The following RAB2A variants were observed in gnomAD, a reference collection of about 807,000 sequenced individuals.
The protein encoded by RAB2A is ras-related protein Rab-2A.
In RAB2A, 7 loss-of-function variants were observed where a neutral mutation model predicts 32.5. The observed-to-expected ratio is 0.22, with a 90% CI of 0.12 to 0.40. The LOEUF is 0.40. RAB2A is among the 10% of genes least tolerant of loss of function. RAB2A has a pLI of 1.00. For synonymous variants in RAB2A, 79 were observed against 85.2 expected (o/e 0.93, Z 0.40); for missense variants, 108 against 260.7 (o/e 0.41, Z 4.03).
chr8:60,587,298 T>C (rs937123700), intron 5 of RAB2A, among the ~76,000 whole-genome samples: 1 of 152,170 alleles, frequency 6.6e-6, no homozygotes, highest in African/African-American at 2.4e-5. Flanking sequence ...GCTGAAACAG[T>C]TAATAGTCAT....
intron 3 of RAB2A, among the ~76,000 whole-genome samples, chr8:60,577,659 T>C (rs920603086): frequency 1.3e-5 from 2 of 152,042 alleles, no homozygotes; most frequent in African/African-American, 4.8e-5. Flanking sequence ...AGTCTCGCTC[T>C]GTCGCCCAGG....
At chr8:60,603,536 A>G (rs1016079936) in intron 6 of RAB2A, among the ~76,000 whole-genome samples, 1 of 152,240 alleles carries the variant, frequency 6.6e-6, no homozygotes, top group African/African-American at 2.4e-5. Context: ...AACGTGGTAA[A>G]TGAATGCAAA....
At chr8:60,586,862 A>G (rs1803858684) in intron 5 of RAB2A, among the ~76,000 whole-genome samples, 1 of 151,802 alleles carries the variant, frequency 6.6e-6, no homozygotes, top group African/African-American at 2.4e-5. Context: ...CCAGGAGCTC[A>G]AGGTTGCAGT....
intron 3 of RAB2A, among the ~76,000 whole-genome samples, chr8:60,574,957 A>C (rs1037591013): frequency 6.6e-6 from 1 of 152,140 alleles, no homozygotes; most frequent in Non-Finnish European, 1.5e-5. Flanking sequence ...CAGCTTCTAC[A>C]TGGAGAGCTC....
intron 6 of RAB2A, among the ~76,000 whole-genome samples, chr8:60,594,730 G>T (rs1803996417): frequency 6.6e-6 from 1 of 152,154 alleles, no homozygotes; most frequent in South Asian, 2.1e-4. Context: ...AGAACATGCG[G>T]TGTTTGGTTT....
rs1165171032 is a variant in RAB2A, at chr8:60,620,833, C to T, written c.*64C>T. On this transcript the variant is annotated 3_prime_UTR_variant, in exon 8 of 8. Coordinates refer to ENST00000262646, the MANE Select transcript of RAB2A (RefSeq NM_002865.3). ...CACTTATTCTTTCACCCCCTCTCCT[C>T]CTGCTCAGCTGAGACATGAAACTAT... 3 of 1,364,440 alleles carry T rather than the reference C, an allele frequency of 2.2e-6. No homozygotes were observed. The highest frequency in any genetic ancestry group is 2.9e-5 in the African/African-American group (2 of 67,894). The allele number at this position is 1,364,440 out of a possible 1,614,324, so 84.5% of individuals were successfully genotyped here. A position where few individuals can be genotyped will look rare whatever the true frequency, so the allele number is the denominator to read the frequency against.
intron 1 of RAB2A, among the ~76,000 whole-genome samples, chr8:60,544,177 C>T (rs919925370): frequency 1.5e-4 from 22 of 150,512 alleles, no homozygotes; most frequent in African/African-American, 4.6e-4. Context: ...CTGCAGCCTC[C>T]GCCTCCTGGA....
intron 1 of RAB2A, among the ~76,000 whole-genome samples, chr8:60,555,471 CTATT>C (rs1310014412): frequency 6.6e-6 from 1 of 151,810 alleles, no homozygotes; most frequent in Non-Finnish European, 1.5e-5. Flanking sequence ...TATTTGCAAA[CTATT>C]TATCTTACAA....
chr8:60,567,163 TGGAGTGCAGTGG>T (rs1193104230), intron 2 of RAB2A, among the ~76,000 whole-genome samples: 2 of 151,450 alleles, frequency 1.3e-5, no homozygotes, highest in African/African-American at 2.4e-5. Flanking sequence ...GTTGCCAGGC[TGGAGTGCAGTGG>T]TGCAGTCTCT....
At chr8:60,543,003 T>C (rs564448410) in intron 1 of RAB2A, among the ~76,000 whole-genome samples, 2 of 152,366 alleles carry the variant, frequency 1.3e-5, no homozygotes, top group Admixed American at 1.3e-4. Flanking sequence ...AAATAAATGC[T>C]CTGTATTCCC....
At chr8:60,575,755 T>A (rs1172641070) in intron 3 of RAB2A, among the ~76,000 whole-genome samples, 1 of 150,278 alleles carries the variant, frequency 6.7e-6, no homozygotes, top group East Asian at 2.0e-4. Flanking sequence ...CCTCCCGGGT[T>A]CAAGCGATTC....
At chr8:60,538,776 T>C (rs1168914669) in intron 1 of RAB2A, among the ~76,000 whole-genome samples, 1 of 152,190 alleles carries the variant, frequency 6.6e-6, no homozygotes, top group Non-Finnish European at 1.5e-5. Context: ...TGTCATGCCC[T>C]GTGCCCTACC....
intron 6 of RAB2A, among the ~76,000 whole-genome samples, chr8:60,595,014 A>G (rs1301046118): frequency 6.6e-6 from 1 of 152,252 alleles, no homozygotes; most frequent in African/African-American, 2.4e-5. Context: ...AGCAAAGAAA[A>G]AAAAGAATTA....
chr8:60,525,375 G>A (rs1807363098), intron 1 of RAB2A, among the ~76,000 whole-genome samples: 1 of 152,108 alleles, frequency 6.6e-6, no homozygotes, highest in East Asian at 1.9e-4. Context: ...AGTTTTCTGA[G>A]GCCTCCCCAG....
intron 2 of RAB2A, among the ~76,000 whole-genome samples, chr8:60,565,676 ATTTTTTTTTTTTTTTTTTTTTTTTTTT>A (rs71252885): frequency 1.9e-3 from 190 of 97,660 alleles, no homozygotes; most frequent in Non-Finnish European, 3.2e-3. Context: ...TCTGTAGCTG[ATTTTTTTTTTTTTTTTTTTTTTTTTTT>A]TTTTTTTTTT....
intron 6 of RAB2A, among the ~76,000 whole-genome samples, chr8:60,614,392 C>G (rs567243974): frequency 7.2e-5 from 11 of 151,916 alleles, no homozygotes; most frequent in Non-Finnish European, 8.8e-5. Context: ...TCCATGGTAC[C>G]TACAGAAGTT....
At chr8:60,572,143 CT>C in intron 3 of RAB2A, 30 bp downstream of exon 3, 1 of 1,485,966 alleles carries the variant, frequency 6.7e-7, no homozygotes, top group Non-Finnish European at 9.3e-7. Context: ...ACTGTATGAT[CT>C]CAGTAAAGTT....
At chr8:60,517,803 A>G (rs1393933706) in intron 1 of RAB2A, among the ~76,000 whole-genome samples, 2 of 152,026 alleles carry the variant, frequency 1.3e-5, no homozygotes, top group Non-Finnish European at 2.9e-5. Flanking sequence ...TTTTATATAT[A>G]TACATATATA....
chr8:60,556,017 C>CT (rs1458761098), intron 1 of RAB2A, among the ~76,000 whole-genome samples: 2 of 152,192 alleles, frequency 1.3e-5, no homozygotes, highest in Non-Finnish European at 2.9e-5. Flanking sequence ...CAATGGAATA[C>CT]TATTCAGCCA....
Sources: allele counts gnomAD v4.1 joint callset (sites outside exome capture counted in the v4.1 genomes callset), GRCh38; gene constraint gnomAD v4.1.1; transcripts MANE v1.5; gene names NCBI Gene and HGNC (gene_info 2026-07-23, HGNC 2026-07-21).